MAP3K2: variants seen among roughly 807,000 people sequenced by gnomAD.
MAP3K2 encodes mitogen-activated protein kinase kinase kinase 2, also known as MAP/ERK kinase kinase 2.
MAP3K2 carries 24 observed loss-of-function variants against 80.3 expected under a neutral mutation model. That is an observed-to-expected ratio of 0.30 (90% CI 0.22 to 0.42). The LOEUF (loss-of-function observed/expected upper bound fraction) is 0.42. Among genes scored for constraint, MAP3K2 ranks in the 10% least tolerant of loss-of-function variants. MAP3K2 has a pLI of 1.00. For missense variants in MAP3K2, 608 were observed against 750.1 expected (o/e 0.81, Z 2.21); for synonymous variants, 244 against 253.7 (o/e 0.96, Z 0.36).
intron 1 of MAP3K2, among the ~76,000 whole-genome samples, chr2:127,356,317 T>C (rs537677948): frequency 2.6e-5 from 4 of 152,318 alleles, no homozygotes; most frequent in African/African-American, 9.6e-5. Context: ...ATGGCAGCTA[T>C]AGCCTTACAA....
intron 1 of MAP3K2, among the ~76,000 whole-genome samples, chr2:127,378,866 A>C (rs749508296): frequency 3.3e-5 from 5 of 152,088 alleles, no homozygotes; most frequent in Non-Finnish European, 7.4e-5. Flanking sequence ...TCCTGGGCTC[A>C]AGCAATCCTC....
chr2:127,328,053 T>A lies in MAP3K2; in HGVS notation c.467-1236A>T, dbSNP rs148706312. 3.7e-3 allele frequency among the ~76,000 whole-genome samples: 570 copies of A among 152,270 alleles called. 2 individuals are homozygous for A. The highest frequency in any genetic ancestry group is 0.013 in the African/African-American group (549 of 41,542). On this transcript the variant is annotated intron_variant, in intron 7 of 16. Coordinates refer to ENST00000682094, the MANE Select transcript of MAP3K2 (RefSeq NM_001371910.2). ...ACTCTGGGAGGCCAAGGTGGGTGGA[T>A]CACATGAGGTCAGGAGTTCGAGACC...
rs1685630887 is a variant in MAP3K2 at position 127,303,235 on chromosome 2, T to C, written c.*4344A>G. On this transcript the variant is annotated 3_prime_UTR_variant, in exon 17 of 17. Transcript: ENST00000682094. ...GTCCTGATCTTAGTATAAATAACACTGTTGACAGAGTTCAATTTCTATCAA... is the reference window on the plus strand; with the variant it reads ...GTCCTGATCTTAGTATAAATAACACCGTTGACAGAGTTCAATTTCTATCAA... 6.6e-6 allele frequency: 1 copy of C among 151,884 alleles called. No individual in the cohort carries two copies. The highest frequency in any genetic ancestry group is 2.4e-5 in the African/African-American group (1 of 41,368). The allele number at this position is 151,884 out of a possible 1,614,324, so 9.4% of individuals were successfully genotyped here. A position where few individuals can be genotyped will look rare whatever the true frequency, so the allele number is the denominator to read the frequency against.
Position 127,322,018 on chromosome 2 carries a change from T to TA in MAP3K2, c.1045+27_1045+28insT. 6.3e-7 allele frequency: 1 copy of TA among 1,586,598 alleles called. No homozygotes were observed. Among genetic ancestry groups the TA allele is most frequent in the African/African-American group, 1.3e-5 (1 of 74,594 alleles). ...AATTCTGCAAAGATTCTGCTCTACA[T>TA]TTCACTATACCAAGTTCTATTACTT... On this transcript the variant is annotated intron_variant, in intron 12 of 16. Coordinates refer to ENST00000682094, the MANE Select transcript of MAP3K2 (RefSeq NM_001371910.2). This position sits in a 1 kb window ranked among gnomAD's most constrained non-coding sequence, Gnocchi z 4.2.
rs975408392 is a variant in MAP3K2, at chr2:127,322,914, G to C, written c.839-662C>G. Among the ~76,000 whole-genome samples, 6 of 150,742 alleles carry C rather than the reference G, an allele frequency of 4.0e-5. No homozygotes were observed. Among genetic ancestry groups the C allele is most frequent in the Non-Finnish European group, 8.9e-5 (6 of 67,734 alleles). Reference sequence around the variant, plus strand: ...CTGGCCAGTAATTTTTTTTCTTAAAGGGATGATGTAAGTATCAATCTCATC... The same window carrying C: ...CTGGCCAGTAATTTTTTTTCTTAAACGGATGATGTAAGTATCAATCTCATC... On this transcript the variant is annotated intron_variant, in intron 11 of 16. Transcript: ENST00000682094. This position sits in a 1 kb window ranked among gnomAD's most constrained non-coding sequence, Gnocchi z 4.2.
intron 14 of MAP3K2, among the ~76,000 whole-genome samples, chr2:127,315,827 G>C (rs1685890758): frequency 6.6e-6 from 1 of 152,052 alleles, no homozygotes; most frequent in Non-Finnish European, 1.5e-5. Flanking sequence ...GCTCACGCTT[G>C]TAATACCATC....
intron 1 of MAP3K2, among the ~76,000 whole-genome samples, chr2:127,348,647 T>A (rs1686639420): frequency 6.6e-6 from 1 of 152,112 alleles, no homozygotes; most frequent in African/African-American, 2.4e-5. Flanking sequence ...TGAGGAAATG[T>A]TCTGGAGTGA....
At chr2:127,375,248 T>C (rs1306463101) in intron 1 of MAP3K2, among the ~76,000 whole-genome samples, 4 of 151,956 alleles carry the variant, frequency 2.6e-5, no homozygotes, top group Non-Finnish European at 2.9e-5. Flanking sequence ...AATAACCCTA[T>C]GGGACCCATA....
intron 1 of MAP3K2, among the ~76,000 whole-genome samples, chr2:127,361,056 G>A (rs1027184505): frequency 2.6e-5 from 4 of 152,044 alleles, no homozygotes; most frequent in African/African-American, 4.8e-5. Flanking sequence ...GCTCAAGCCC[G>A]TAATCCCAGC....
rs1289974763 is a variant in MAP3K2, at chr2:127,379,617, G to C, written c.-66+7835C>G. 7.9e-5 allele frequency among the ~76,000 whole-genome samples: 12 copies of C among 152,126 alleles called. No homozygotes were observed. In the East Asian group the frequency reaches 2.3e-3, roughly 29 times the overall value. On this transcript the variant is annotated intron_variant, in intron 1 of 16. Coordinates refer to ENST00000682094, the MANE Select transcript of MAP3K2 (RefSeq NM_001371910.2). ...GTTGATGACTCTTCAAGGCCTTCTGGAAATACCATCTCCACTCTGGTACAC... is the reference window on the plus strand; with the variant it reads ...GTTGATGACTCTTCAAGGCCTTCTGCAAATACCATCTCCACTCTGGTACAC...
intron 1 of MAP3K2, among the ~76,000 whole-genome samples, chr2:127,350,393 G>A (rs1339823109): frequency 6.6e-6 from 1 of 150,838 alleles, no homozygotes; most frequent in South Asian, 2.1e-4. Context: ...CTTCAGCCCA[G>A]GGGTTTGTAT....
At chr2:127,330,288 A>C (rs927267240) in intron 6 of MAP3K2, 104 bp downstream of exon 6, 5 of 618,956 alleles carry the variant, frequency 8.1e-6, no homozygotes, top group Middle Eastern at 7.8e-4. Context: ...TTTAATCATA[A>C]TGAAAATATT....
intron 1 of MAP3K2, among the ~76,000 whole-genome samples, chr2:127,350,743 A>G (rs1686678969): frequency 6.6e-6 from 1 of 151,904 alleles, no homozygotes; most frequent in Admixed American, 6.6e-5. Context: ...ATTTCCACTC[A>G]TTTTTCAAAG....
At position 127,343,241 on chromosome 2, in the gene MAP3K2, AG is replaced by A. The variant is rs1004341166; in HGVS notation, c.-65-48del. On this transcript the variant is annotated intron_variant, in intron 1 of 16. Coordinates refer to ENST00000682094, the MANE Select transcript of MAP3K2 (RefSeq NM_001371910.2). ...GCATATTAATAAAAAGAAACAGAAA[AG>A]GAGCCAGGAAAAGAAAAAAAAAAGT... The A allele has an allele frequency of 2.6e-5, 20 of 769,496 alleles. No individual in the cohort carries two copies. In the Admixed American group the frequency reaches 5.5e-4, roughly 21 times the overall value. 47.7% of individuals were successfully genotyped at this position (769,496 alleles called of 1,614,324 possible). A position where few individuals can be genotyped will look rare whatever the true frequency, so the allele number is the denominator to read the frequency against.
intron 9 of MAP3K2, among the ~76,000 whole-genome samples, chr2:127,325,505 C>G (rs180686283): frequency 6.6e-6 from 1 of 152,114 alleles, no homozygotes; most frequent in Admixed American, 6.5e-5. Flanking sequence ...AAAGTGAGAC[C>G]CCCATCTCTA....
rs540597970 is a variant in MAP3K2 at position 127,308,390 on chromosome 2, A to G, written c.1634+195T>C. Among the ~76,000 whole-genome samples, 309 of 152,380 alleles carry G rather than the reference A, an allele frequency of 2.0e-3. 1 individual carries two copies. The highest frequency in any genetic ancestry group is 7.2e-3 in the African/African-American group (298 of 41,602). Reference sequence around the variant, plus strand: ...AAATCCTTCCTAAAGAATGGAGGACAGGTTCAAGGATTCTAACTATTTAGT... The same window carrying G: ...AAATCCTTCCTAAAGAATGGAGGACGGGTTCAAGGATTCTAACTATTTAGT... On this transcript the variant is annotated intron_variant, in intron 16 of 16. Transcript: ENST00000682094.
chr2:127,373,322 C>G (rs944333236), intron 1 of MAP3K2, among the ~76,000 whole-genome samples: 13 of 152,114 alleles, frequency 8.5e-5, no homozygotes, highest in Non-Finnish European at 8.8e-5. Context: ...ATCATAGCAC[C>G]TGAAAAAGTA....
At chr2:127,337,543 C>G (rs939951501) in intron 4 of MAP3K2, among the ~76,000 whole-genome samples, 195 bp downstream of exon 4, 2 of 152,150 alleles carry the variant, frequency 1.3e-5, no homozygotes, top group African/African-American at 4.8e-5. Context: ...TTAATCATTT[C>G]TAATATTTAA....
intron 1 of MAP3K2, among the ~76,000 whole-genome samples, chr2:127,377,888 T>A (rs1006173362): frequency 6.6e-6 from 1 of 152,114 alleles, no homozygotes; most frequent in Non-Finnish European, 1.5e-5. Context: ...CAGATTCAAC[T>A]GCAGAATAAA....
Sources: allele counts gnomAD v4.1 joint callset (sites outside exome capture counted in the v4.1 genomes callset), GRCh38; gene constraint gnomAD v4.1.1; non-coding constraint Gnocchi (gnomAD v3.1); transcripts MANE v1.5; gene names NCBI Gene and HGNC (gene_info 2026-07-23, HGNC 2026-07-21).